The following ZSCAN25 variants were observed in gnomAD, a reference collection of about 807,000 sequenced individuals.
ZSCAN25 encodes zinc finger and SCAN domain containing 25.
Under a neutral mutation model 38.7 loss-of-function variants are expected in ZSCAN25, and 27 were observed. That is an observed-to-expected ratio of 0.70 (90% confidence interval 0.51 to 0.96). The LOEUF is 0.96. ZSCAN25 is among the 40% of genes least tolerant of loss of function. The pLI is 0.00. For missense variants in ZSCAN25, 637 were observed against 705.9 expected (o/e 0.90, Z 1.11); for synonymous variants, 273 against 277.7 (o/e 0.98, Z 0.17).
At chr7:99,632,977 G>T (rs1808103734), downstream of ZSCAN25, among the ~76,000 whole-genome samples, 1 of 139,544 alleles carries the variant, frequency 7.2e-6, no homozygotes, top group Admixed American at 7.3e-5. Context: ...TTTACATTCT[G>T]CATTTTCTGT....
chr7:99,619,437 C>A, intron 3 of ZSCAN25, 124 bp from the exon 4 acceptor site: 1 of 748,748 alleles, frequency 1.3e-6, no homozygotes, highest in Non-Finnish European at 2.1e-6. Flanking sequence ...CTTTTGGGAT[C>A]TGTGTTCAGT....
the ZSCAN25 span, chr7:99,695,693 A>G: frequency 2.0e-6 from 3 of 1,483,530 alleles, no homozygotes; most frequent in South Asian, 2.3e-5. Flanking sequence ...TGATGGAACT[A>G]AGCTGCTCTC....
At chr7:99,664,080 A>G in the ZSCAN25 span, 1 of 1,589,348 alleles carries the variant, frequency 6.3e-7, no homozygotes, top group Non-Finnish European at 8.5e-7. Context: ...AACTGGGGTA[A>G]GGAATGGAAA....
At chr7:99,636,371 G>C (rs149520560), downstream of ZSCAN25, among the ~76,000 whole-genome samples, 831 of 152,258 alleles carry the variant, frequency 5.5e-3, 6 homozygotes, top group African/African-American at 0.019. Flanking sequence ...GCACCAACAG[G>C]AGCCTACATG....
chr7:99,661,704 T>C, the ZSCAN25 span, among the ~76,000 whole-genome samples: 14 of 152,314 alleles, frequency 9.2e-5, no homozygotes, highest in East Asian at 2.1e-3. Flanking sequence ...GTCTACAGAG[T>C]TCTGATTTAT....
At chr7:99,644,464 A>G in the ZSCAN25 span, among the ~76,000 whole-genome samples, 2 of 152,278 alleles carry the variant, frequency 1.3e-5, no homozygotes, top group African/African-American at 4.8e-5. Flanking sequence ...GAAATGGGCA[A>G]GTTGGGCTGC....
At chr7:99,620,121 C>G (rs1406604312) in intron 4 of ZSCAN25, 128 bp downstream of exon 4, 32 of 1,351,172 alleles carry the variant, frequency 2.4e-5, no homozygotes, top group Non-Finnish European at 3.0e-5. Context: ...CTCAGACTCC[C>G]TGAGGTTCTT....
chr7:99,725,431 C>T, the ZSCAN25 span, among the ~76,000 whole-genome samples: 6 of 152,204 alleles, frequency 3.9e-5, no homozygotes, highest in Admixed American at 3.3e-4. Context: ...AGCTACTTGC[C>T]TCCAGTGTAA....
the ZSCAN25 span, chr7:99,685,333 C>T: frequency 6.7e-7 from 1 of 1,494,038 alleles, no homozygotes; most frequent in Non-Finnish European, 9.2e-7. Context: ...TGACTATGCA[C>T]ATAGTTTGTG....
chr7:99,737,766 T>C, the ZSCAN25 span, among the ~76,000 whole-genome samples: 1 of 152,220 alleles, frequency 6.6e-6, no homozygotes, highest in Non-Finnish European at 1.5e-5. Flanking sequence ...ATACCAACAG[T>C]GATAGACTAA....
chr7:99,622,296 C>T, intron 5 of ZSCAN25: 1 of 527,972 alleles, frequency 1.9e-6, no homozygotes, highest in South Asian at 2.2e-5. Context: ...GCATGGGTAG[C>T]CCTGGACGGA....
chr7:99,693,344 AG>A, the ZSCAN25 span, among the ~76,000 whole-genome samples: 1 of 152,192 alleles, frequency 6.6e-6, no homozygotes, highest in African/African-American at 2.4e-5. Context: ...GTCAGGCTAC[AG>A]GGGGGTCAGG....
At chr7:99,686,539 C>T in the ZSCAN25 span, among the ~76,000 whole-genome samples, 5 of 152,318 alleles carry the variant, frequency 3.3e-5, no homozygotes, top group East Asian at 1.9e-4. Flanking sequence ...CACCACGGCT[C>T]AAGGAGGCCT....
At chr7:99,618,835 A>G (rs983844450) in intron 2 of ZSCAN25, among the ~76,000 whole-genome samples, 184 bp downstream of exon 2, 3 of 152,150 alleles carry the variant, frequency 2.0e-5, no homozygotes, top group Non-Finnish European at 2.9e-5. Context: ...CTTCTGGTGC[A>G]GCTCTGCTCG....
the ZSCAN25 span, among the ~76,000 whole-genome samples, chr7:99,698,376 G>T: frequency 6.6e-6 from 1 of 152,108 alleles, no homozygotes. Flanking sequence ...CTCCACTGTG[G>T]GGCCAGGACC....
chr7:99,671,834 G>C, the ZSCAN25 span: 4 of 702,852 alleles, frequency 5.7e-6, no homozygotes, highest in African/African-American at 7.0e-5. Flanking sequence ...GCCACATGGT[G>C]ACGGAATGGG....
At chr7:99,715,441 A>T in the ZSCAN25 span, 13 of 346,906 alleles carry the variant, frequency 3.7e-5, no homozygotes, top group South Asian at 1.1e-4. Flanking sequence ...CTAGAGAATT[A>T]AAAAAACCCT....
At chr7:99,732,245 G>C in the ZSCAN25 span, among the ~76,000 whole-genome samples, 2 of 152,126 alleles carry the variant, frequency 1.3e-5, no homozygotes, top group African/African-American at 4.8e-5. Context: ...AGTCATGTAA[G>C]ATCTGCCTGC....
At position 99,630,991 on chromosome 7, in the gene ZSCAN25, A is replaced by C; in HGVS notation, c.*971A>C. On this transcript the variant is annotated 3_prime_UTR_variant, in exon 8 of 8. Transcript: ENST00000394152. Reference sequence around the variant, plus strand: ...CCATTCTCATTGGACCCATTTCCCAAGTATTTATTGAGGCCCTGTAACAAA... The same window carrying C: ...CCATTCTCATTGGACCCATTTCCCACGTATTTATTGAGGCCCTGTAACAAA... 1 of 945,682 alleles carries C rather than the reference A, an allele frequency of 1.1e-6. No homozygotes were observed. The highest frequency in any genetic ancestry group is 1.3e-6 in the Non-Finnish European group (1 of 793,884). The allele number at this position is 945,682 out of a possible 1,614,324, so 58.6% of individuals were successfully genotyped here.
Sources: gnomAD v4.1 joint callset for allele counts (sites outside exome capture counted in the v4.1 genomes callset) on GRCh38, gnomAD v4.1.1 for gene constraint, MANE v1.5 for transcripts, NCBI Gene and HGNC (gene_info 2026-07-23, HGNC 2026-07-21) for gene names.